Variants in AGBL1 observed in about 807,000 individuals in gnomAD.
The protein encoded by AGBL1 is cytosolic carboxypeptidase 4.
A neutral mutation model predicts 118.9 loss-of-function variants in AGBL1; 130 were observed. The ratio of observed to expected loss-of-function variants is 1.09; its 90% confidence interval spans 0.95 to 1.26. The LOEUF is 1.26. AGBL1 is among the 50% of genes most tolerant of loss of function. The pLI, the probability that AGBL1 is intolerant of heterozygous loss-of-function variation, is 0.00. For synonymous variants in AGBL1, 555 were observed against 478.9 expected (o/e 1.16, Z -2.08); for missense variants, 1,584 against 1,298.1 (o/e 1.22, Z -3.38).
chr15:86,645,876 A>G (rs982555112), intron 21 of AGBL1, among the ~76,000 whole-genome samples: 1 of 152,226 alleles, frequency 6.6e-6, no homozygotes, highest in Non-Finnish European at 1.5e-5. Flanking sequence ...GCCATGGAAC[A>G]TTAGGACAAC....
At chr15:86,447,220 G>A (rs1011665438) in intron 18 of AGBL1, among the ~76,000 whole-genome samples, 5 of 152,132 alleles carry the variant, frequency 3.3e-5, no homozygotes, top group Admixed American at 1.3e-4. Context: ...ATTTTTAAAA[G>A]ATAGATCCAC....
At chr15:87,002,657 G>A (rs1260305396) in intron 24 of AGBL1, among the ~76,000 whole-genome samples, 1 of 152,132 alleles carries the variant, frequency 6.6e-6, no homozygotes, top group Non-Finnish European at 1.5e-5. Context: ...ATTTTGTTGA[G>A]CAGTGGTTTG....
chr15:86,782,901 C>T (rs1490121379), intron 22 of AGBL1, among the ~76,000 whole-genome samples: 1 of 152,178 alleles, frequency 6.6e-6, no homozygotes. Flanking sequence ...AAGCTAACTA[C>T]TTTCTATGTC....
chr15:86,737,809 T>C (rs1213531673), intron 22 of AGBL1, among the ~76,000 whole-genome samples: 1 of 152,228 alleles, frequency 6.6e-6, no homozygotes, highest in African/African-American at 2.4e-5. Flanking sequence ...CAAAAGCATT[T>C]GGTGTAAATG....
At chr15:86,990,061 C>T (rs751876878) in intron 24 of AGBL1, among the ~76,000 whole-genome samples, 3 of 152,290 alleles carry the variant, frequency 2.0e-5, no homozygotes, top group South Asian at 4.1e-4. Context: ...TATTCTGAAG[C>T]AGATAAAACT....
intron 22 of AGBL1, among the ~76,000 whole-genome samples, chr15:86,854,650 G>A (rs907479155): frequency 6.6e-6 from 1 of 152,026 alleles, no homozygotes; most frequent in African/African-American, 2.4e-5. Flanking sequence ...ACATTCTAAG[G>A]GTGTATCTTC....
chr15:86,348,976 CAA>C (rs2080583428), intron 17 of AGBL1, among the ~76,000 whole-genome samples: 1 of 152,032 alleles, frequency 6.6e-6, no homozygotes, highest in Non-Finnish European at 1.5e-5. Context: ...GGCCCAAATC[CAA>C]AGACTGTTGT....
At chr15:86,580,317 A>T (rs2084155895) in intron 21 of AGBL1, among the ~76,000 whole-genome samples, 1 of 152,154 alleles carries the variant, frequency 6.6e-6, no homozygotes, top group South Asian at 2.1e-4. Context: ...TACTTTTAGT[A>T]TTGAAAGTAT....
chr15:86,870,581 T>C (rs2079712756), intron 22 of AGBL1, among the ~76,000 whole-genome samples: 1 of 150,554 alleles, frequency 6.6e-6, no homozygotes, highest in African/African-American at 2.4e-5. Context: ...ATTGTACACA[T>C]GCTTACATGA....
At chr15:86,756,234 G>GC (rs1349369220) in intron 22 of AGBL1, among the ~76,000 whole-genome samples, 1 of 151,704 alleles carries the variant, frequency 6.6e-6, no homozygotes, top group Non-Finnish European at 1.5e-5. Flanking sequence ...TTCCAGTAGT[G>GC]CCCCCGCCCC....
intron 18 of AGBL1, among the ~76,000 whole-genome samples, chr15:86,461,448 T>C (rs1211388919): frequency 6.6e-6 from 1 of 152,090 alleles, no homozygotes; most frequent in African/African-American, 2.4e-5. Context: ...GAGAAGAACG[T>C]TTTATAATAT....
chr15:87,028,654 A>G (rs2081757763), intron 24 of AGBL1, among the ~76,000 whole-genome samples: 1 of 151,944 alleles, frequency 6.6e-6, no homozygotes, highest in Admixed American at 6.6e-5. Flanking sequence ...GTTGAAGAGG[A>G]GAAATATCTC....
At chr15:86,427,734 CTTAATATAGT>C (rs2081884640) in intron 18 of AGBL1, among the ~76,000 whole-genome samples, 1 of 152,146 alleles carries the variant, frequency 6.6e-6, no homozygotes, top group African/African-American at 2.4e-5. Context: ...TGTGGCATCC[CTTAATATAGT>C]TAACAGAGTC....
chr15:86,991,512 A>T (rs2081335514), intron 24 of AGBL1, among the ~76,000 whole-genome samples: 1 of 152,156 alleles, frequency 6.6e-6, no homozygotes, highest in African/African-American at 2.4e-5. Context: ...TGAGAGATCA[A>T]GTCATTACAA....
At chr15:86,983,363 T>C (rs561982832) in intron 23 of AGBL1, among the ~76,000 whole-genome samples, 17 of 152,304 alleles carry the variant, frequency 1.1e-4, no homozygotes, top group Non-Finnish European at 2.2e-4. Flanking sequence ...AAATATTTCA[T>C]TCGCACAAAG....
intron 21 of AGBL1, among the ~76,000 whole-genome samples, chr15:86,587,546 C>A (rs142147834): frequency 1.4e-4 from 22 of 151,912 alleles, no homozygotes; most frequent in African/African-American, 5.3e-4. Context: ...GGAGGGCGTT[C>A]GTGGAAGAAG....
intron 15 of AGBL1, among the ~76,000 whole-genome samples, chr15:86,275,154 C>A (rs1037816859): frequency 6.6e-6 from 1 of 152,116 alleles, no homozygotes; most frequent in East Asian, 1.9e-4. Context: ...CAGCTCTGGT[C>A]TAAAGTAATT....
chr15:86,728,756 A>T (rs145573122), intron 22 of AGBL1, among the ~76,000 whole-genome samples: 523 of 152,112 alleles, frequency 3.4e-3, no homozygotes, highest in Non-Finnish European at 4.3e-3. Flanking sequence ...GGAGTTATCA[A>T]GGGGATAGAA....
At chr15:86,525,825 C>A (rs953742233) in intron 19 of AGBL1, among the ~76,000 whole-genome samples, 2 of 152,020 alleles carry the variant, frequency 1.3e-5, no homozygotes, top group African/African-American at 4.8e-5. Flanking sequence ...ATGGTGAAGA[C>A]TCCAATTTAT....
Sources: allele counts gnomAD v4.1 joint callset (sites outside exome capture counted in the v4.1 genomes callset), GRCh38; gene constraint gnomAD v4.1.1; transcripts MANE v1.5; gene names NCBI Gene and HGNC (gene_info 2026-07-23, HGNC 2026-07-21).